The following TBC1D15 variants were observed in gnomAD, a reference collection of about 807,000 sequenced individuals.
TBC1D15 encodes the protein GAP for RAB7.
Under a neutral mutation model 95.4 loss-of-function variants are expected in TBC1D15, and 39 were observed. That is an observed-to-expected ratio of 0.41 (90% CI 0.32 to 0.53). The LOEUF is 0.53. TBC1D15 is among the 20% of genes least tolerant of loss of function. The probability of loss-of-function intolerance (pLI) is 0.29; values close to 1 mark genes in which losing one functional copy is unlikely to be tolerated. For missense variants in TBC1D15, 733 were observed against 794.3 expected (o/e 0.92, Z 0.93); for synonymous variants, 258 against 261.3 (o/e 0.99, Z 0.12).
intron 1 of TBC1D15, among the ~76,000 whole-genome samples, chr12:71,853,722 G>T (rs959899443): frequency 6.6e-6 from 1 of 152,104 alleles, no homozygotes; most frequent in African/African-American, 2.4e-5. Flanking sequence ...CACTTAAGTT[G>T]CTTGGAGTCA....
intron 12 of TBC1D15, among the ~76,000 whole-genome samples, chr12:71,915,094 G>A (rs1016705669): frequency 1.2e-4 from 18 of 151,922 alleles, no homozygotes; most frequent in African/African-American, 4.3e-4. Flanking sequence ...GATTATCAAT[G>A]CAGTAATTTG....
intron 10 of TBC1D15, among the ~76,000 whole-genome samples, chr12:71,900,286 CAT>C (rs1324882609): frequency 1.3e-5 from 2 of 152,100 alleles, no homozygotes; most frequent in African/African-American, 4.8e-5. Context: ...TCCATGGAAA[CAT>C]GTGCCACCTA....
At chr12:71,920,577 C>CT (rs1868914809) in intron 14 of TBC1D15, among the ~76,000 whole-genome samples, 154 bp from the exon 15 acceptor site, 1 of 152,086 alleles carries the variant, frequency 6.6e-6, no homozygotes, top group African/African-American at 2.4e-5. Flanking sequence ...TAAGACTCTC[C>CT]TTCCCCTCAT....
At chr12:71,851,912 G>A (rs891098380) in intron 1 of TBC1D15, among the ~76,000 whole-genome samples, 2 of 152,150 alleles carry the variant, frequency 1.3e-5, no homozygotes, top group African/African-American at 4.8e-5. Context: ...GGGGCCTGAA[G>A]GACAGTGGCC....
At position 71,918,124 on chromosome 12, in the gene TBC1D15, C is replaced by T. The variant is rs115072842; in HGVS notation, c.1501+327C>T. Among the ~76,000 whole-genome samples the T allele has an allele frequency of 5.6e-3, 848 of 152,200 alleles. 8 individuals carry two copies. Among genetic ancestry groups the T allele is most frequent in the African/African-American group, 0.02 (812 of 41,526 alleles). ...GAACTGGGATCACTCCACTGCACTCCGACCTGGGTGACATAGCAAGACACT... is the reference window on the plus strand; with the variant it reads ...GAACTGGGATCACTCCACTGCACTCTGACCTGGGTGACATAGCAAGACACT... On this transcript the variant is annotated intron_variant, in intron 13 of 16. Transcript: ENST00000485960.
intron 5 of TBC1D15, among the ~76,000 whole-genome samples, chr12:71,887,926 A>G (rs749650011): frequency 2.0e-4 from 30 of 152,220 alleles, no homozygotes; most frequent in Admixed American, 5.9e-4. Context: ...ATGATTATCA[A>G]TTTGACAAAT....
rs328774 is a variant in TBC1D15 at position 71,851,281 on chromosome 12, C to G, written c.30+11470C>G. ...GCATCAAGAGTGGATGGTGTTAAAC[C>G]GTGAGAAACCACCCCCACTATTACC... On this transcript the variant is annotated intron_variant, in intron 1 of 16. Coordinates refer to ENST00000485960, the MANE Select transcript of TBC1D15 (RefSeq NM_001146213.3). Among the ~76,000 whole-genome samples the G allele has an allele frequency of 2.0e-5, 3 of 152,120 alleles. No individual in the cohort carries two copies. In the Middle Eastern group the frequency reaches 0.01, roughly 517 times the overall value.
rs754519089 is a variant in TBC1D15, at chr12:71,917,777, G to A, written c.1481G>A (p.Ser494Asn). 9.3e-6 allele frequency: 15 copies of A among 1,612,458 alleles called. No individual in the cohort carries two copies. The highest frequency in any genetic ancestry group is 2.2e-5 in the South Asian group (2 of 90,900). The change falls in exon 13 of 17, where the codon AGT becomes AAT. Residue 494 changes from serine (S) to asparagine (N), a missense_variant. Physicochemically the swap from Ser to Asn is conservative, Grantham distance 46. Coordinates refer to ENST00000485960, the MANE Select transcript of TBC1D15 (RefSeq NM_001146213.3). Reference sequence around the variant, plus strand: ...AGTACCTTACTTCGATTGTTAGACAGTGGATTTTGCAGTTACTTAGGTAAG... The same window carrying A: ...AGTACCTTACTTCGATTGTTAGACAATGGATTTTGCAGTTACTTAGGTAAG... ...QLSTLLRLLD[S>N]GFCSYLESQD...
intron 15 of TBC1D15, 103 bp downstream of exon 15, chr12:71,920,950 C>T: frequency 1.2e-6 from 1 of 807,572 alleles, no homozygotes; most frequent in Non-Finnish European, 2.0e-6. Context: ...TCTTGAGTAA[C>T]TTAAATTGTG....
chr12:71,912,585 G>A (rs1902658612), intron 11 of TBC1D15, among the ~76,000 whole-genome samples: 1 of 152,062 alleles, frequency 6.6e-6, no homozygotes, highest in South Asian at 2.1e-4. Flanking sequence ...CCTGCTTTCT[G>A]AGATCATTTT....
intron 1 of TBC1D15, chr12:71,854,425 G>A (rs894281996): frequency 4.1e-5 from 16 of 385,610 alleles, no homozygotes; most frequent in East Asian, 2.2e-4. Flanking sequence ...CCCTTCAATC[G>A]TAGGCTGAAT....
intron 1 of TBC1D15, among the ~76,000 whole-genome samples, chr12:71,868,183 C>T (rs1232101133): frequency 6.6e-6 from 1 of 151,372 alleles, no homozygotes; most frequent in Non-Finnish European, 1.5e-5. Flanking sequence ...ATAATTTGTT[C>T]CTCAAAAAGG....
At chr12:71,842,041 A>G (rs1055916021) in intron 1 of TBC1D15, among the ~76,000 whole-genome samples, 3 of 152,184 alleles carry the variant, frequency 2.0e-5, no homozygotes, top group African/African-American at 7.2e-5. Flanking sequence ...CAGGGGAGTG[A>G]ATGTTAACCA....
At chr12:71,914,742 T>C (rs991679652) in intron 12 of TBC1D15, among the ~76,000 whole-genome samples, 5 of 152,052 alleles carry the variant, frequency 3.3e-5, no homozygotes, top group African/African-American at 1.2e-4. Context: ...ATAAACATTT[T>C]GAATCTAACC....
chr12:71,879,001 A>G (rs1003382199), intron 3 of TBC1D15, among the ~76,000 whole-genome samples: 30 of 152,002 alleles, frequency 2.0e-4, no homozygotes, highest in African/African-American at 7.0e-4. Flanking sequence ...CATTCTTACT[A>G]ATTTTCCTTT....
chr12:71,917,583 A>C, intron 12 of TBC1D15, 115 bp from the exon 13 acceptor site: 1 of 574,782 alleles, frequency 1.7e-6, no homozygotes, highest in South Asian at 3.7e-5. Context: ...TTTTAAGATT[A>C]CCAGTGTGGT....
At chr12:71,840,248 C>T (rs1173752870) in intron 1 of TBC1D15, among the ~76,000 whole-genome samples, 1 of 152,158 alleles carries the variant, frequency 6.6e-6, no homozygotes, top group Non-Finnish European at 1.5e-5. Context: ...GTTTATGCTT[C>T]CTTCGGGAGG....
intron 10 of TBC1D15, among the ~76,000 whole-genome samples, chr12:71,898,719 C>A (rs1215912552): frequency 6.6e-6 from 1 of 151,972 alleles, no homozygotes. Context: ...TTTGTATATC[C>A]GTGGTTTCAT....
In TBC1D15 at chr12:71,923,167, C is replaced by G; in HGVS notation, c.1988C>G (p.Pro663Arg). Reference protein sequence around the residue: ...GARNDSPTQIPVSSDVCRLTP... With the variant: ...GARNDSPTQIRVSSDVCRLTP... ...AGAAATGACAGCCCAACACAGATAC[C>G]AGTGTCCTCAGATGTCTGCAGATTA... The change falls in exon 17 of 17, where the codon CCA (proline) becomes CGA (arginine). Residue 663 changes from proline (P) to arginine (R), a missense_variant. Coordinates refer to ENST00000485960, the MANE Select transcript of TBC1D15 (RefSeq NM_001146213.3). 1 of 1,614,194 alleles carries G rather than the reference C, an allele frequency of 6.2e-7. No individual in the cohort carries two copies. The highest frequency in any genetic ancestry group is 8.5e-7 in the Non-Finnish European group (1 of 1,180,040).
Sources: allele counts gnomAD v4.1 joint callset (sites outside exome capture counted in the v4.1 genomes callset), GRCh38; gene constraint gnomAD v4.1.1; transcripts MANE v1.5; gene names NCBI Gene and HGNC (gene_info 2026-07-23, HGNC 2026-07-21).